LEMD1: variants seen among roughly 807,000 people sequenced by gnomAD.
The protein encoded by LEMD1 is LEM domain containing 1, also known as LEM domain-containing protein 1.
A neutral mutation model predicts 17.4 loss-of-function variants in LEMD1; 18 were observed. That is an observed-to-expected ratio of 1.04 (90% confidence interval 0.72 to 1.54). The LOEUF (loss-of-function observed/expected upper bound fraction) is 1.54. LEMD1 is among the 40% of genes most tolerant of loss of function. The probability of loss-of-function intolerance (pLI) is 0.00; values close to 1 mark genes in which losing one functional copy is unlikely to be tolerated. For missense variants in LEMD1, 195 were observed against 210.4 expected, an observed-to-expected ratio of 0.93 and a Z score of 0.45; for synonymous variants, 88 against 77.8, an observed-to-expected ratio of 1.13 and a Z score of -0.69.
At chr1:205,405,521 A>T (rs9729427) in intron 4 of LEMD1, among the ~76,000 whole-genome samples, 2 of 128,592 alleles carry the variant, frequency 1.6e-5, no homozygotes, top group Non-Finnish European at 3.4e-5. Context: ...GCATTCTTCA[A>T]GTAGTTCTTG....
intron 5 of LEMD1, among the ~76,000 whole-genome samples, chr1:205,383,408 C>T (rs1457160404): frequency 2.0e-5 from 3 of 151,800 alleles, no homozygotes; most frequent in Non-Finnish European, 4.4e-5. Flanking sequence ...ATGTGCTATT[C>T]TGATACCTTC....
intron 1 of LEMD1, among the ~76,000 whole-genome samples, chr1:205,431,909 G>A (rs1321851961): frequency 6.6e-6 from 1 of 152,088 alleles, no homozygotes; most frequent in Non-Finnish European, 1.5e-5. Flanking sequence ...TAGAGACGGG[G>A]TTTCACCATG....
At chr1:205,400,492 G>C (rs775393334) in intron 4 of LEMD1, among the ~76,000 whole-genome samples, 4 of 152,182 alleles carry the variant, frequency 2.6e-5, no homozygotes, top group African/African-American at 9.7e-5. Flanking sequence ...TTCCTGCCGA[G>C]AACGCATGGC....
chr1:205,405,664 G>A lies in LEMD1; in HGVS notation c.270+10568C>T, dbSNP rs578145067. 4.6e-5 allele frequency among the ~76,000 whole-genome samples: 7 copies of A among 152,038 alleles called. No homozygotes were observed. In the East Asian group the frequency reaches 7.7e-4, roughly 17 times the overall value. ...TGGTTTGAATTTCCTCCTGTAGCTC[G>A]GAGTAGTTTGATCGTCTGAAGCCTT... is the stretch of plus-strand genomic sequence containing the variant. On this transcript the variant is annotated intron_variant, in intron 4 of 5. Transcript: ENST00000367153.
intron 5 of LEMD1, among the ~76,000 whole-genome samples, chr1:205,383,451 A>G (rs940937036): frequency 6.6e-6 from 1 of 152,090 alleles, no homozygotes; most frequent in Non-Finnish European, 1.5e-5. Context: ...CAGGGTAATT[A>G]GGATATCCAC....
At chr1:205,391,165 A>T (rs962679387) in intron 4 of LEMD1, among the ~76,000 whole-genome samples, 1 of 152,220 alleles carries the variant, frequency 6.6e-6, no homozygotes, top group Non-Finnish European at 1.5e-5. Flanking sequence ...AGAAAAAAAA[A>T]TGGACCATTG....
chr1:205,393,848 T>C (rs1356928250), intron 4 of LEMD1, among the ~76,000 whole-genome samples: 1 of 135,742 alleles, frequency 7.4e-6, no homozygotes, highest in Non-Finnish European at 1.5e-5. Flanking sequence ...CACTCCTAGG[T>C]ACCTAGCCAA....
chr1:205,419,567 C>T (rs1665862721), intron 2 of LEMD1, among the ~76,000 whole-genome samples: 2 of 152,176 alleles, frequency 1.3e-5, no homozygotes, highest in Non-Finnish European at 2.9e-5. Context: ...CATATTCAAG[C>T]GATTCTCCGG....
intron 3 of LEMD1, among the ~76,000 whole-genome samples, chr1:205,416,800 G>C (rs1665717834): frequency 6.6e-6 from 1 of 152,222 alleles, no homozygotes; most frequent in African/African-American, 2.4e-5. Context: ...GAATGGTGGA[G>C]TTGCACATCC....
rs1335834136 is a variant in LEMD1 at position 205,381,479 on chromosome 1, G to A, written c.*179C>T. The A allele has an allele frequency of 1.6e-6, 1 of 631,738 alleles. No individual in the cohort carries two copies. Among genetic ancestry groups the A allele is most frequent in the South Asian group, 1.9e-5 (1 of 53,394 alleles). 39.1% of individuals were successfully genotyped at this position (631,738 alleles called of 1,614,324 possible). A position where few individuals can be genotyped will look rare whatever the true frequency, so the allele number is the denominator to read the frequency against. ...ATCATGCTCTTAACACAGGTGCCTG[G>A]TTAGGCAGGTTCCTTCCACCTGGCT... is the stretch of plus-strand genomic sequence containing the variant. On this transcript the variant is annotated 3_prime_UTR_variant, in exon 6 of 6. Coordinates refer to ENST00000367153, the MANE Select transcript of LEMD1 (RefSeq NM_001199050.2).
At chr1:205,431,435 C>T (rs764666245) in intron 1 of LEMD1, among the ~76,000 whole-genome samples, 2 of 152,164 alleles carry the variant, frequency 1.3e-5, no homozygotes, top group Non-Finnish European at 2.9e-5. Context: ...CTGACTTGAC[C>T]CCTGCAAAAA....
intron 4 of LEMD1, among the ~76,000 whole-genome samples, chr1:205,410,010 A>G (rs548279821): frequency 2.6e-5 from 4 of 152,070 alleles, no homozygotes; most frequent in South Asian, 4.1e-4. Context: ...TCCTGACCTC[A>G]GGTGATCTAC....
chr1:205,382,962 A>G (rs533830600), intron 5 of LEMD1, among the ~76,000 whole-genome samples: 1 of 152,328 alleles, frequency 6.6e-6, no homozygotes, highest in East Asian at 1.9e-4. Context: ...CTCTCCAGAA[A>G]GCTTTACTTT....
At chr1:205,414,634 G>T (rs1440847389) in intron 4 of LEMD1, among the ~76,000 whole-genome samples, 1 of 152,014 alleles carries the variant, frequency 6.6e-6, no homozygotes, top group Non-Finnish European at 1.5e-5. Context: ...GGTTGCCCAG[G>T]CTGAGTCTTG....
intron 1 of LEMD1, among the ~76,000 whole-genome samples, chr1:205,433,771 G>A (rs1666163482): frequency 6.6e-6 from 1 of 152,194 alleles, no homozygotes; most frequent in Non-Finnish European, 1.5e-5. Context: ...AGGCATCATG[G>A]TGGCTGAGCC....
In LEMD1 at chr1:205,419,349, G is replaced by C. The variant is rs143870224; in HGVS notation, c.86C>G (p.Ser29Cys). 6.2e-6 allele frequency: 10 copies of C among 1,614,056 alleles called. No individual in the cohort carries two copies. In the African/African-American group the frequency reaches 1.3e-4, roughly 22 times the overall value. Reference protein sequence around the residue: ...LGFSPGPILPSTRKLYEKKLV... With the variant: ...LGFSPGPILPCTRKLYEKKLV... ...CTTTTTTTCATACAACTTTCTGGTG[G>C]AAGCTGAGGAAGAATTTGGAGAACA... The change falls in exon 3 of 6, where the codon TCC becomes TGC. Residue 29 changes from serine to cysteine, a missense_variant. Coordinates refer to ENST00000367153, the MANE Select transcript of LEMD1 (RefSeq NM_001199050.2).
rs998913745 is a variant in LEMD1, at chr1:205,441,195, C to G, written c.-39+8673G>C. 1.3e-5 allele frequency: 2 copies of G among 152,308 alleles called. No homozygotes were observed. The highest frequency in any genetic ancestry group is 2.9e-5 in the Non-Finnish European group (2 of 68,162). 9.4% of individuals were successfully genotyped at this position (152,308 alleles called of 1,614,324 possible). ...CACTCCCTGAGGCGGCCCGCTAGGT[C>G]TCTCACACCGGCTGGGGGAGGAGTC... On this transcript the variant is annotated intron_variant, in intron 1 of 3. Transcript: ENST00000367154. The surrounding 1 kb of genome is among the most constrained non-coding windows in gnomAD (Gnocchi z 4.3).
rs577561703 is a variant in LEMD1, at chr1:205,430,240, C to T, written c.-38-9666G>A. ...ACCCAAGGGTCCTCGGCTTCAGGCC[C>T]GCCCAAGCGCTGACCAGCTCCCGTA... On this transcript the variant is annotated intron_variant, in intron 1 of 3. Transcript: ENST00000367154. Among the ~76,000 whole-genome samples, 7 of 152,344 alleles carry T rather than the reference C, an allele frequency of 4.6e-5. No homozygotes were observed. In the East Asian group the frequency reaches 1.4e-3, roughly 29 times the overall value.
intron 1 of LEMD1, among the ~76,000 whole-genome samples, chr1:205,429,738 C>T (rs1340911825): frequency 6.6e-6 from 1 of 151,798 alleles, no homozygotes; most frequent in Non-Finnish European, 1.5e-5. Context: ...GTCCTTGCCG[C>T]ACCTTACCCG....
Sources: gnomAD v4.1 joint callset for allele counts (sites outside exome capture counted in the v4.1 genomes callset) on GRCh38, gnomAD v4.1.1 for gene constraint, Gnocchi (gnomAD v3.1) non-coding constraint, MANE v1.5 for transcripts, NCBI Gene and HGNC (gene_info 2026-07-23, HGNC 2026-07-21) for gene names.